ZNF695: variants seen among roughly 807,000 people sequenced by gnomAD.
ZNF695 encodes zinc finger protein SBZF3.
Under a neutral mutation model 11.2 loss-of-function variants are expected in ZNF695, and 11 were observed. The ratio of observed to expected loss-of-function variants is 0.98; its 90% CI spans 0.62 to 1.62. ZNF695 has a LOEUF of 1.62. ZNF695 is among the 40% of genes most tolerant of loss of function. ZNF695 has a pLI of 0.00. For missense variants in ZNF695, 559 were observed against 590.5 expected (o/e 0.95, Z 0.55); for synonymous variants, 190 against 201.4 (o/e 0.94, Z 0.48).
intron 4 of ZNF695, among the ~76,000 whole-genome samples, chr1:246,979,328 G>A (rs1009211380): frequency 6.6e-6 from 1 of 152,122 alleles, no homozygotes; most frequent in African/African-American, 2.4e-5. Context: ...GGTTTGAGGG[G>A]TACGGGACCA....
At chr1:246,965,723 G>T (rs60434265) in intron 5 of ZNF695, among the ~76,000 whole-genome samples, 1 of 151,484 alleles carries the variant, frequency 6.6e-6, no homozygotes, top group Non-Finnish European at 1.5e-5. Context: ...AGCTGAGATC[G>T]TGCCACCAGC....
At chr1:246,971,320 C>T (rs957872397) in intron 4 of ZNF695, among the ~76,000 whole-genome samples, 2 of 152,174 alleles carry the variant, frequency 1.3e-5, no homozygotes, top group Admixed American at 6.5e-5. Context: ...TTGTACAGGG[C>T]GGAACATGAA....
intron 5 of ZNF695, among the ~76,000 whole-genome samples, chr1:246,956,750 T>C (rs1312748462): frequency 6.6e-6 from 1 of 152,214 alleles, no homozygotes; most frequent in African/African-American, 2.4e-5. Context: ...TCTTGCTGTG[T>C]TGCCCAAGCT....
At chr1:246,991,344 G>T (rs1048564133) in intron 3 of ZNF695, among the ~76,000 whole-genome samples, 1 of 152,094 alleles carries the variant, frequency 6.6e-6, no homozygotes, top group East Asian at 1.9e-4. Context: ...ACAACCCAGA[G>T]AATGGGAGAA....
At chr1:246,992,256 G>A (rs1333125882) in intron 3 of ZNF695, among the ~76,000 whole-genome samples, 1 of 152,144 alleles carries the variant, frequency 6.6e-6, no homozygotes, top group Non-Finnish European at 1.5e-5. Flanking sequence ...CAACATAGAT[G>A]GAACTGAAGG....
intron 4 of ZNF695, among the ~76,000 whole-genome samples, chr1:246,971,795 A>C (rs1484764855): frequency 1.3e-5 from 2 of 152,134 alleles, no homozygotes; most frequent in Non-Finnish European, 2.9e-5. Flanking sequence ...CATTTTCTTT[A>C]TTATACTGCA....
chr1:246,967,351 C>A, intron 5 of ZNF695: 1 of 456,404 alleles, frequency 2.2e-6, no homozygotes, highest in South Asian at 1.5e-5. Context: ...TGCAAAACCC[C>A]AAGCTAGAAA....
At chr1:246,979,631 C>T (rs1021071223) in intron 4 of ZNF695, among the ~76,000 whole-genome samples, 1 of 152,120 alleles carries the variant, frequency 6.6e-6, no homozygotes, top group Admixed American at 6.5e-5. Flanking sequence ...AAATGAATTT[C>T]GCATTCCAAA....
chr1:246,997,815 TC>T, intron 3 of ZNF695, among the ~76,000 whole-genome samples: 1 of 152,274 alleles, frequency 6.6e-6, no homozygotes, highest in South Asian at 2.1e-4. Flanking sequence ...AACAAATACT[TC>T]CTGTTCTTCT....
At chr1:246,962,326 C>T (rs185019369) in intron 5 of ZNF695, among the ~76,000 whole-genome samples, 13 of 152,296 alleles carry the variant, frequency 8.5e-5, no homozygotes, top group Middle Eastern at 3.4e-3. Flanking sequence ...CAAGGCAGCA[C>T]GACTGCTTTA....
intron 5 of ZNF695, among the ~76,000 whole-genome samples, chr1:246,959,282 C>CAAA (rs1189262229): frequency 8.1e-4 from 6 of 7,430 alleles, no homozygotes; most frequent in African/African-American, 2.0e-3. Flanking sequence ...GACCCTGTCT[C>CAAA]AAAAAAAAAA....
chr1:246,957,958 T>A (rs1431159156), intron 5 of ZNF695, among the ~76,000 whole-genome samples: 2 of 152,180 alleles, frequency 1.3e-5, no homozygotes, highest in Non-Finnish European at 2.9e-5. Context: ...ATGCCTTTTC[T>A]ATGATGAGTC....
intron 1 of ZNF695, among the ~76,000 whole-genome samples, chr1:247,003,167 G>A (rs536634261): frequency 6.6e-6 from 1 of 152,284 alleles, no homozygotes; most frequent in South Asian, 2.1e-4. Context: ...GCATGTGTAT[G>A]TTCACTGTAG....
At chr1:246,966,221 G>A (rs1668286607) in intron 5 of ZNF695, among the ~76,000 whole-genome samples, 1 of 152,110 alleles carries the variant, frequency 6.6e-6, no homozygotes, top group South Asian at 2.1e-4. Flanking sequence ...GGGCGCGGTG[G>A]CTCACACCTA....
chr1:246,979,605 C>T (rs1393872898), intron 4 of ZNF695, among the ~76,000 whole-genome samples: 1 of 152,140 alleles, frequency 6.6e-6, no homozygotes, highest in Non-Finnish European at 1.5e-5. Context: ...TACCCATTCG[C>T]TAGGTGAAAT....
rs547797023 is a variant in ZNF695 at position 246,974,408 on chromosome 1, C to T, written c.391-6616G>A. ...GAGCTAAGATACAGTAGACTAACAC[C>T]TGTTTTTGGCTCTGGGGAGAAAAAA... is the stretch of plus-strand genomic sequence containing the variant. On this transcript the variant is annotated intron_variant, in intron 4 of 5. Transcript: ENST00000487338. Among the ~76,000 whole-genome samples the T allele has an allele frequency of 2.4e-5, 3 of 125,686 alleles. No homozygotes were observed. The South Asian group carries it at 7.4e-4, about 31-fold the overall frequency. The allele number at this position is 125,686 out of a possible 152,430, so 82.5% of individuals were successfully genotyped here. A position where few individuals can be genotyped will look rare whatever the true frequency, so the allele number is the denominator to read the frequency against.
At chr1:246,984,854 T>G (rs976978117), downstream of ZNF695, among the ~76,000 whole-genome samples, 1 of 152,218 alleles carries the variant, frequency 6.6e-6, no homozygotes, top group Non-Finnish European at 1.5e-5. Context: ...TTATAATCCC[T>G]GAGAAGATCA....
At chr1:246,977,499 G>A (rs61852591) in intron 4 of ZNF695, among the ~76,000 whole-genome samples, 7,407 of 152,228 alleles carry the variant, frequency 0.049, 193 homozygotes, top group South Asian at 0.12. Context: ...TGATCCACCC[G>A]CCTCAGCCTC....
chr1:246,962,742 C>G (rs1335165491), intron 5 of ZNF695, among the ~76,000 whole-genome samples: 9 of 151,544 alleles, frequency 5.9e-5, no homozygotes, highest in Middle Eastern at 3.4e-3. Flanking sequence ...ACCCAGGCTG[C>G]AGTACAGTGG....
Sources: gnomAD v4.1 joint callset for allele counts (sites outside exome capture counted in the v4.1 genomes callset) on GRCh38, gnomAD v4.1.1 for gene constraint, MANE v1.5 for transcripts, NCBI Gene and HGNC (gene_info 2026-07-23, HGNC 2026-07-21) for gene names.